SNURF: variants seen among roughly 807,000 people sequenced by gnomAD.
The protein encoded by SNURF is SNRPN upstream open reading frame, also known as SNURF protein.
SNURF carries 6 observed loss-of-function variants against 11.6 expected under a neutral mutation model. The observed-to-expected ratio is 0.52, with a 90% confidence interval of 0.28 to 1.02. The LOEUF is 1.02. Ranked by LOEUF, SNURF falls within the 50% of genes least tolerant of loss-of-function variation. The pLI is 0.09. For missense variants in SNURF, 84 were observed against 88.4 expected, an observed-to-expected ratio of 0.95 and a Z score of 0.20; for synonymous variants, 29 against 31.6, an observed-to-expected ratio of 0.92 and a Z score of 0.27.
intron 1 of SNURF, among the ~76,000 whole-genome samples, chr15:24,961,107 C>T (rs528074038): frequency 6.6e-6 from 1 of 152,138 alleles, no homozygotes; most frequent in African/African-American, 2.4e-5. Flanking sequence ...ATTTTTTATA[C>T]TGCTTGTAAT....
chr15:24,955,915 A>G (rs1427220042), intron 1 of SNURF, among the ~76,000 whole-genome samples: 1 of 151,658 alleles, frequency 6.6e-6, no homozygotes, highest in Non-Finnish European at 1.5e-5. Context: ...ACGCTGAATG[A>G]TTGCTGTGTA....
downstream of SNURF, chr15:24,978,162 A>G (rs2077283924): frequency 2.5e-6 from 4 of 1,600,120 alleles, no homozygotes; most frequent in African/African-American, 1.3e-5. Flanking sequence ...CCATTTTATG[A>G]GGCCTTTATT....
downstream of SNURF, among the ~76,000 whole-genome samples, chr15:24,973,329 C>T (rs1423981763): frequency 6.6e-6 from 1 of 152,166 alleles, no homozygotes; most frequent in Non-Finnish European, 1.5e-5. Context: ...TGTAAGTACA[C>T]TGTTCATACT....
exon 4 of SNURF, chr15:24,975,427 C>A (rs780552612): frequency 1.2e-6 from 2 of 1,612,806 alleles, no homozygotes; most frequent in Non-Finnish European, 1.7e-6. Context: ...GCAAGATGGC[C>A]GAATCTTCAT....
chr15:24,958,305 G>C (rs1469724094), intron 1 of SNURF, among the ~76,000 whole-genome samples: 1 of 151,516 alleles, frequency 6.6e-6, no homozygotes, highest in South Asian at 2.1e-4. Flanking sequence ...AATCATTTAA[G>C]CAGGTTGTGA....
intron 2 of SNURF, among the ~76,000 whole-genome samples, chr15:24,967,574 G>A (rs932837014): frequency 1.3e-5 from 2 of 151,708 alleles, no homozygotes; most frequent in South Asian, 2.1e-4. Flanking sequence ...CCCAGGAGGC[G>A]GAGCTTGCAG....
intron 3 of SNURF, chr15:24,975,332 C>T: frequency 6.2e-7 from 1 of 1,601,768 alleles, no homozygotes; most frequent in Non-Finnish European, 8.5e-7. Context: ...GCAAGCTGAA[C>T]ATGACTCTTG....
intron 1 of SNURF, among the ~76,000 whole-genome samples, chr15:24,960,550 G>A (rs75754837): frequency 0.04 from 6,044 of 152,208 alleles, 411 homozygotes; most frequent in African/African-American, 0.14. Context: ...CTGGTCTCCT[G>A]AGCTCAAGTG....
At chr15:24,976,758 C>T (rs1566977200) in intron 5 of SNURF, 3 of 874,052 alleles carry the variant, frequency 3.4e-6, no homozygotes, top group Non-Finnish European at 5.5e-6. Context: ...CATTTGGACA[C>T]AGAACTAATA....
At chr15:24,971,910 C>T (rs2076454155), downstream of SNURF, among the ~76,000 whole-genome samples, 1 of 152,094 alleles carries the variant, frequency 6.6e-6, no homozygotes, top group Non-Finnish European at 1.5e-5. Flanking sequence ...AGTCATGATC[C>T]TTGTTGTCTC....
At chr15:24,959,442 C>A (rs1260227785) in intron 1 of SNURF, among the ~76,000 whole-genome samples, 1 of 152,022 alleles carries the variant, frequency 6.6e-6, no homozygotes, top group South Asian at 2.1e-4. Flanking sequence ...GGTATTGAGA[C>A]CCCGTCTCTA....
chr15:24,977,857 A>G (rs761114054), downstream of SNURF: 2 of 1,613,480 alleles, frequency 1.2e-6, no homozygotes, highest in Non-Finnish European at 1.7e-6. Flanking sequence ...GCCCCAACAC[A>G]GTACCCACCA....
At chr15:24,972,325 A>C (rs996694629), downstream of SNURF, among the ~76,000 whole-genome samples, 4 of 151,574 alleles carry the variant, frequency 2.6e-5, no homozygotes, top group Non-Finnish European at 5.9e-5. Context: ...AGACTGCTTT[A>C]TAAAGAATCA....
intron 1 of SNURF, among the ~76,000 whole-genome samples, chr15:24,958,096 T>C (rs1263436490): frequency 6.6e-6 from 1 of 152,230 alleles, no homozygotes; most frequent in African/African-American, 2.4e-5. Context: ...TTGATTTCAC[T>C]ATTCTATCTG....
intron 2 of SNURF, among the ~76,000 whole-genome samples, chr15:24,966,169 C>T (rs1347779094): frequency 1.3e-5 from 2 of 152,136 alleles, no homozygotes; most frequent in Admixed American, 1.3e-4. Context: ...GCAGGGCACC[C>T]ACACTTCCGA....
At chr15:24,963,158 C>T (rs1052414127) in intron 2 of SNURF, among the ~76,000 whole-genome samples, 1 of 152,120 alleles carries the variant, frequency 6.6e-6, no homozygotes, top group African/African-American at 2.4e-5. Flanking sequence ...TGTATTTTGA[C>T]AATATGTCTT....
At chr15:24,965,334 T>G (rs2075449915) in intron 2 of SNURF, among the ~76,000 whole-genome samples, 1 of 151,970 alleles carries the variant, frequency 6.6e-6, no homozygotes, top group African/African-American at 2.4e-5. Flanking sequence ...GGTCAGGAGT[T>G]CAAGACCAGC....
chr15:24,963,205 T>C (rs1249765163), intron 2 of SNURF, among the ~76,000 whole-genome samples: 1 of 152,230 alleles, frequency 6.6e-6, no homozygotes, highest in Non-Finnish European at 1.5e-5. Context: ...AAATCTACCT[T>C]ATTTTACAAA....
chr15:24,959,989 G>A (rs1393936204), intron 1 of SNURF, among the ~76,000 whole-genome samples: 1 of 152,182 alleles, frequency 6.6e-6, no homozygotes, highest in Non-Finnish European at 1.5e-5. Context: ...AACTGTCTGG[G>A]CATGGTGGCT....
Sources: gnomAD v4.1 joint callset for allele counts (sites outside exome capture counted in the v4.1 genomes callset) on GRCh38, gnomAD v4.1.1 for gene constraint, MANE v1.5 for transcripts, NCBI Gene and HGNC (gene_info 2026-07-23, HGNC 2026-07-21) for gene names.